Variants in ANO7 observed in about 807,000 individuals in gnomAD.
ANO7 encodes anoctamin-7.
In ANO7, 114 loss-of-function variants were observed where a neutral mutation model predicts 115.8. The ratio of observed to expected loss-of-function variants is 0.98; its 90% CI spans 0.85 to 1.15. The LOEUF (loss-of-function observed/expected upper bound fraction) is 1.15, where lower values mean the gene tolerates loss of function less well. Among genes scored for constraint, ANO7 ranks in the 50% most tolerant of loss-of-function variants. The probability of loss-of-function intolerance (pLI) is 0.00; values close to 1 mark genes in which losing one functional copy is unlikely to be tolerated. For missense variants in ANO7, 1,302 were observed against 1,201.2 expected (o/e 1.08, Z -1.24); for synonymous variants, 550 against 498.2 (o/e 1.10, Z -1.38).
chr2:241,202,109 T>C (rs1173347150), intron 7 of ANO7, 85 bp from the exon 8 acceptor site: 1 of 1,174,252 alleles, frequency 8.5e-7, no homozygotes, highest in Non-Finnish European at 1.2e-6. Context: ...GTCCATGGCC[T>C]TGGCCTAAAG....
At chr2:241,239,595 T>C in the ANO7 span, 1 of 1,612,952 alleles carries the variant, frequency 6.2e-7, no homozygotes, top group Non-Finnish European at 8.5e-7. The surrounding 1 kb of genome is among the most constrained non-coding windows in gnomAD (Gnocchi z 4.6). Flanking sequence ...AGCACCCAAG[T>C]GCCTACCAGG....
chr2:241,219,907 A>G (rs2068969953), intron 21 of ANO7, among the ~76,000 whole-genome samples: 1 of 152,108 alleles, frequency 6.6e-6, no homozygotes, highest in Non-Finnish European at 1.5e-5. Context: ...ATCCTAACAA[A>G]GCCTGAATGA....
At chr2:241,231,244 C>G in the ANO7 span, 2 of 273,782 alleles carry the variant, frequency 7.3e-6, no homozygotes, top group South Asian at 9.6e-5. Context: ...ATTAGCCGGG[C>G]GTGGTGGTGC....
rs1014538420 is a variant in ANO7 at position 241,225,974 on chromosome 2, A to C, written c.*1821A>C. 6.6e-6 allele frequency among the ~76,000 whole-genome samples: 1 copy of C among 152,248 alleles called. No homozygotes were observed. The highest frequency in any genetic ancestry group is 2.1e-4 in the South Asian group (1 of 4,828). Reference sequence around the variant, plus strand: ...TTTTATTGTTGCTGTCTTAAACTCCAAAGTTTTAAGGTGAATTTATTGAAA... The same window carrying C: ...TTTTATTGTTGCTGTCTTAAACTCCCAAGTTTTAAGGTGAATTTATTGAAA... On this transcript the variant is annotated 3_prime_UTR_variant, in exon 25 of 25. Transcript: ENST00000674324.
At chr2:241,209,253 G>T in intron 11 of ANO7, 32 bp from the exon 12 acceptor site, 1 of 1,536,336 alleles carries the variant, frequency 6.5e-7, no homozygotes, top group Non-Finnish European at 8.8e-7. Flanking sequence ...CCAGTCCCAA[G>T]CAAGTCTGGA....
At chr2:241,189,225 C>T (rs1286388128) in intron 1 of ANO7, among the ~76,000 whole-genome samples, 4 of 152,182 alleles carry the variant, frequency 2.6e-5, no homozygotes, top group Admixed American at 2.0e-4. Flanking sequence ...AGACCTGGCT[C>T]GGGCTTCAGG....
chr2:241,230,240 G>C, downstream of ANO7: 1 of 1,606,912 alleles, frequency 6.2e-7, no homozygotes, highest in Non-Finnish European at 8.5e-7. The surrounding 1 kb of genome is among the most constrained non-coding windows in gnomAD (Gnocchi z 5.0). Context: ...TGGGGTCTGG[G>C]GCTCCGCTCT....
At chr2:241,196,246 T>G in intron 4 of ANO7, 1 of 877,402 alleles carries the variant, frequency 1.1e-6, no homozygotes, top group Non-Finnish European at 1.4e-6. Flanking sequence ...CTTTCGGTGA[T>G]AATGGTAGGT....
Position 241,210,359 on chromosome 2 carries a change from T to C in ANO7, c.1424T>C (p.Val475Ala), listed in dbSNP as rs1418605481. Residue 475 changes from valine (V) to alanine (A), a missense_variant, in exon 14 of 25, where the codon GTG becomes GCG. Transcript: ENST00000674324. ...ILYRAIMAIV[V>A]SRSGNTLLAA... ...TACCGTGCCATCATGGCCATCGTGG[T>C]GTCCAGGTCGGGCAACACCCTTCTC... 1 of 1,614,060 alleles carries C rather than the reference T, an allele frequency of 6.2e-7. No individual in the cohort carries two copies.
intron 21 of ANO7, among the ~76,000 whole-genome samples, chr2:241,222,325 C>G (rs1015055253): frequency 3.3e-5 from 5 of 152,160 alleles, no homozygotes; most frequent in African/African-American, 1.2e-4. Context: ...AGAGTTACGT[C>G]TTTGTTTAGT....
chr2:241,208,170 C>A (rs2068633906), intron 11 of ANO7, among the ~76,000 whole-genome samples: 1 of 152,206 alleles, frequency 6.6e-6, no homozygotes, highest in South Asian at 2.1e-4. Context: ...GGACCCAGAG[C>A]CCTTGGCACT....
At chr2:241,230,099 A>G, downstream of ANO7, 1 of 1,590,792 alleles carries the variant, frequency 6.3e-7, no homozygotes, top group Non-Finnish European at 8.6e-7. This position sits in a 1 kb window ranked among gnomAD's most constrained non-coding sequence, Gnocchi z 5.0. Flanking sequence ...GCTGGGCCTC[A>G]GGCCGGTGGA....
rs964060359 is a variant in ANO7, at chr2:241,215,028, A to C, written c.1826+126A>C. ...TGAAGGGAAGGCACCTTGCCTGGGG[A>C]GGGGGAGGGGGAGTGTGCCCGGCCG... is the stretch of plus-strand genomic sequence containing the variant. On this transcript the variant is annotated intron_variant, in intron 18 of 24. Coordinates refer to ENST00000674324, the MANE Select transcript of ANO7 (RefSeq NM_001370694.2). 4.8e-6 allele frequency: 4 copies of C among 837,198 alleles called. No homozygotes were observed. In the Admixed American group the frequency reaches 1.1e-4, roughly 23 times the overall value. 51.9% of individuals were successfully genotyped at this position (837,198 alleles called of 1,614,324 possible). A position where few individuals can be genotyped will look rare whatever the true frequency, so the allele number is the denominator to read the frequency against.
At chr2:241,190,218 T>C in intron 2 of ANO7, 47 bp downstream of exon 2, 1 of 1,497,342 alleles carries the variant, frequency 6.7e-7, no homozygotes, top group Middle Eastern at 1.7e-4. Context: ...GGTCCTCCCC[T>C]GCCTGGGTCT....
the ANO7 span, among the ~76,000 whole-genome samples, chr2:241,234,685 A>G: frequency 6.6e-6 from 1 of 152,158 alleles, no homozygotes; most frequent in African/African-American, 2.4e-5. Context: ...TTCAAACGTC[A>G]GCCTTGCCAG....
chr2:241,221,243 T>G (rs1055365517), intron 21 of ANO7, among the ~76,000 whole-genome samples: 1 of 151,114 alleles, frequency 6.6e-6, no homozygotes, highest in Non-Finnish European at 1.5e-5. Flanking sequence ...GCCCAGCTAA[T>G]TTTTGTATAT....
chr2:241,212,645 C>T lies in ANO7; in HGVS notation c.1728+19C>T, dbSNP rs776288646. On this transcript the variant is annotated intron_variant, in intron 17 of 24. Transcript: ENST00000674324. ...TGAGGAGGTGAGTGTGCCTGAGGCC[C>T]GGGACTGGGGGATGAGCTGTGTGCT... is the stretch of plus-strand genomic sequence containing the variant. 6.8e-6 allele frequency: 11 copies of T among 1,608,326 alleles called. No homozygotes were observed. The highest frequency in any genetic ancestry group is 1.7e-4 in the Middle Eastern group (1 of 6,050).
intron 21 of ANO7, among the ~76,000 whole-genome samples, chr2:241,218,698 C>T (rs1484522768): frequency 2.0e-5 from 3 of 152,092 alleles, no homozygotes; most frequent in African/African-American, 2.4e-5. Flanking sequence ...TTTTTTTATT[C>T]GGCCGGGGGC....
At chr2:241,236,738 A>G in the ANO7 span, 31 of 1,614,068 alleles carry the variant, frequency 1.9e-5, no homozygotes, top group Middle Eastern at 1.6e-4. Context: ...CTTCGTCCCC[A>G]TTCTCCTGGA....
Sources: allele counts gnomAD v4.1 joint callset (sites outside exome capture counted in the v4.1 genomes callset), GRCh38; gene constraint gnomAD v4.1.1; non-coding constraint Gnocchi (gnomAD v3.1); transcripts MANE v1.5; gene names NCBI Gene and HGNC (gene_info 2026-07-23, HGNC 2026-07-21).